NOL4: variants seen among roughly 807,000 people sequenced by gnomAD.
NOL4 encodes cancer/testis antigen 125.
NOL4 carries 17 observed loss-of-function variants against 75.9 expected under a neutral mutation model. The observed-to-expected ratio is 0.22, with a 90% CI of 0.15 to 0.34. NOL4 has a LOEUF of 0.34. Ranked by LOEUF, NOL4 falls within the 10% of genes least tolerant of loss-of-function variation. The pLI is 1.00. For synonymous variants in NOL4, 292 were observed against 289.9 expected (o/e 1.01, Z -0.07); for missense variants, 614 against 793.5 (o/e 0.77, Z 2.72).
At chr18:33,858,515 G>A (rs898280916) in intron 10 of NOL4, among the ~76,000 whole-genome samples, 1 of 151,592 alleles carries the variant, frequency 6.6e-6, no homozygotes, top group Non-Finnish European at 1.5e-5. Context: ...TTCTCCAGAT[G>A]ACTAAATATT....
At chr18:33,856,615 A>G (rs2062847401) in intron 10 of NOL4, among the ~76,000 whole-genome samples, 1 of 152,068 alleles carries the variant, frequency 6.6e-6, no homozygotes, top group African/African-American at 2.4e-5. Flanking sequence ...ATGTCTGGAT[A>G]ACTGGCAATT....
At chr18:34,168,331 G>T (rs1293729392) in intron 1 of NOL4, among the ~76,000 whole-genome samples, 1 of 151,678 alleles carries the variant, frequency 6.6e-6, no homozygotes, top group East Asian at 1.9e-4. Flanking sequence ...ATATTTAAAT[G>T]TTTAAAAAGT....
intron 5 of NOL4, among the ~76,000 whole-genome samples, chr18:34,044,695 T>C (rs7241811): frequency 0.44 from 66,592 of 152,018 alleles, 15,047 homozygotes; most frequent in East Asian, 0.53. Context: ...AGTTAGTTAT[T>C]ATAATTAAAT....
At chr18:33,998,719 C>T (rs1052969596) in intron 6 of NOL4, among the ~76,000 whole-genome samples, 1 of 152,046 alleles carries the variant, frequency 6.6e-6, no homozygotes, top group Non-Finnish European at 1.5e-5. Flanking sequence ...AGTATGTCCA[C>T]GTGACAAGTG....
chr18:33,992,493 CA>C (rs1005313776), intron 6 of NOL4, among the ~76,000 whole-genome samples: 9 of 151,902 alleles, frequency 5.9e-5, no homozygotes, highest in African/African-American at 2.2e-4. Flanking sequence ...AACATCTATT[CA>C]AAAATAACAG....
chr18:34,009,786 G>A (rs1376201172), intron 6 of NOL4, among the ~76,000 whole-genome samples: 1 of 151,828 alleles, frequency 6.6e-6, no homozygotes, highest in African/African-American at 2.4e-5. Flanking sequence ...TGGTTAAAAG[G>A]TGGGTTAAAT....
intron 8 of NOL4, 104 bp from the exon 9 acceptor site, chr18:33,943,282 A>C (rs1599960379): frequency 5.9e-6 from 4 of 682,078 alleles, no homozygotes; most frequent in African/African-American, 5.5e-5. Flanking sequence ...ATGTGCAGGA[A>C]TATCCATTTA....
intron 5 of NOL4, among the ~76,000 whole-genome samples, chr18:34,049,431 T>G (rs567522188): frequency 6.6e-6 from 1 of 152,168 alleles, no homozygotes; most frequent in Non-Finnish European, 1.5e-5. Context: ...AAACAGTTGA[T>G]AGTATACTGT....
rs2036647771 is a variant in NOL4, at chr18:34,213,396, T to G, written c.264+9594A>C. On this transcript the variant is annotated intron_variant, in intron 1 of 10. Coordinates refer to ENST00000261592, the MANE Select transcript of NOL4 (RefSeq NM_003787.5). ...CCTCCGCCTCCCGGCTTCAAGCGAT[T>G]CTCCTACCCCAGCTTCCTGAGTAGC... Among the ~76,000 whole-genome samples, 2 of 152,192 alleles carry G rather than the reference T, an allele frequency of 1.3e-5. 1 individual carries two copies. The highest frequency in any genetic ancestry group is 4.1e-4 in the South Asian group (2 of 4,832).
At position 33,852,415 on chromosome 18, in the gene NOL4, G is replaced by T. The variant is rs2062663345; in HGVS notation, c.*427C>A. 1 of 146,326 alleles carries T rather than the reference G, an allele frequency of 6.8e-6. No homozygotes were observed. The highest frequency in any genetic ancestry group is 1.5e-5 in the Non-Finnish European group (1 of 66,828). The allele number at this position is 146,326 out of a possible 1,614,324, so 9.1% of individuals were successfully genotyped here. A position where few individuals can be genotyped will look rare whatever the true frequency, so the allele number is the denominator to read the frequency against. On this transcript the variant is annotated 3_prime_UTR_variant, in exon 11 of 11. Coordinates refer to ENST00000261592, the MANE Select transcript of NOL4 (RefSeq NM_003787.5). ...TTGTTGTTATATCCTGTAGCAACAA[G>T]AAATTTGGCTTTTTTTTTTCTTTTT...
In NOL4 at chr18:33,851,298, T is replaced by A. The variant is rs952578222; in HGVS notation, c.*1544A>T. On this transcript the variant is annotated 3_prime_UTR_variant, in exon 11 of 11. Transcript: ENST00000261592. Reference sequence around the variant, plus strand: ...ATATTCACCAACAGTATCACAAAAGTTTTTTTTTTGTTTTTTGTTTACATA... The same window carrying A: ...ATATTCACCAACAGTATCACAAAAGATTTTTTTTTGTTTTTTGTTTACATA... 1 of 140,244 alleles carries A rather than the reference T, an allele frequency of 7.1e-6. No homozygotes were observed. Among genetic ancestry groups the A allele is most frequent in the South Asian group, 2.2e-4 (1 of 4,464 alleles). 8.7% of individuals were successfully genotyped at this position (140,244 alleles called of 1,614,324 possible). A position where few individuals can be genotyped will look rare whatever the true frequency, so the allele number is the denominator to read the frequency against.
At chr18:34,015,527 T>C (rs1212981138) in intron 6 of NOL4, among the ~76,000 whole-genome samples, 1 of 152,008 alleles carries the variant, frequency 6.6e-6, no homozygotes, top group Admixed American at 6.6e-5. Flanking sequence ...GGTATATGTT[T>C]CTCCACAAAT....
chr18:33,950,742 T>G (rs1405722732), intron 8 of NOL4, among the ~76,000 whole-genome samples: 1 of 152,156 alleles, frequency 6.6e-6, no homozygotes, highest in Admixed American at 6.6e-5. Context: ...AGGCTGCTGT[T>G]AGCTAGCAGT....
intron 4 of NOL4, among the ~76,000 whole-genome samples, chr18:34,095,324 A>C (rs2078726428): frequency 1.3e-5 from 2 of 151,368 alleles, no homozygotes; most frequent in Admixed American, 1.3e-4. Flanking sequence ...TGACATTATC[A>C]GTGATAACAA....
intron 6 of NOL4, among the ~76,000 whole-genome samples, chr18:34,014,650 T>C (rs1312126442): frequency 1.3e-5 from 2 of 151,960 alleles, no homozygotes; most frequent in African/African-American, 2.4e-5. Flanking sequence ...TTTTCCAAGC[T>C]CTTTATCATC....
intron 9 of NOL4, among the ~76,000 whole-genome samples, chr18:33,932,815 T>C (rs1458404031): frequency 3.3e-5 from 5 of 152,084 alleles, no homozygotes; most frequent in African/African-American, 1.2e-4. Context: ...TGAGCCCCAA[T>C]TTCTATACTC....
chr18:34,027,983 T>C (rs1437545929), intron 5 of NOL4, among the ~76,000 whole-genome samples: 5 of 152,188 alleles, frequency 3.3e-5, no homozygotes, highest in Non-Finnish European at 5.9e-5. Context: ...GAATAAAACA[T>C]TGAGTTCTCA....
At chr18:33,912,573 C>T (rs185214606) in intron 9 of NOL4, among the ~76,000 whole-genome samples, 115 of 152,084 alleles carry the variant, frequency 7.6e-4, no homozygotes, top group Middle Eastern at 3.4e-3. Flanking sequence ...ATTTTTTCTA[C>T]CATAATGGCA....
intron 6 of NOL4, among the ~76,000 whole-genome samples, chr18:33,993,499 G>A (rs1042088557): frequency 6.6e-6 from 1 of 151,858 alleles, no homozygotes; most frequent in African/African-American, 2.4e-5. Flanking sequence ...GGGTTAGGAG[G>A]TGGGAAATAC....
Sources: gnomAD v4.1 joint callset for allele counts (sites outside exome capture counted in the v4.1 genomes callset) on GRCh38, gnomAD v4.1.1 for gene constraint, MANE v1.5 for transcripts, NCBI Gene and HGNC (gene_info 2026-07-23, HGNC 2026-07-21) for gene names.